The following SWT1 variants were observed in gnomAD, a reference collection of about 807,000 sequenced individuals.
SWT1 encodes the protein SWT1 RNA endoribonuclease homolog, also known as transcriptional protein SWT1.
SWT1 carries 33 observed loss-of-function variants against 107.3 expected under a neutral mutation model. The observed-to-expected ratio is 0.31, with a 90% CI of 0.23 to 0.41. The LOEUF is 0.41. Among genes scored for constraint, SWT1 ranks in the 10% least tolerant of loss-of-function variants. The pLI is 1.00. For missense variants in SWT1, 898 were observed against 1,028.9 expected, an observed-to-expected ratio of 0.87 and a Z score of 1.74; for synonymous variants, 345 against 348.3, an observed-to-expected ratio of 0.99 and a Z score of 0.11.
In SWT1 at chr1:185,168,372, T is replaced by A; in HGVS notation, c.198T>A (p.Asn66Lys). 7.2e-7 allele frequency: 1 copy of A among 1,389,540 alleles called. No individual in the cohort carries two copies. Among genetic ancestry groups the A allele is most frequent in the Non-Finnish European group, 9.7e-7 (1 of 1,035,914 alleles). 86.1% of individuals were successfully genotyped at this position (1,389,540 alleles called of 1,614,324 possible). The change falls in exon 4 of 19, where the codon AAT becomes AAA. Residue 66 changes from asparagine to lysine, a missense_variant. By Grantham distance (94) the Asn-to-Lys change is moderately conservative (BLOSUM62 0). Transcript: ENST00000367500. ...ATCATACAGATGTTCTGTACTATAA[T>A]ATAAAAAGAAGACAAGGACTGAAAA... is the stretch of plus-strand genomic sequence containing the variant. The part of the protein sequence containing the change: ...KSDHTDVLYY[N>K]IKRRQGLKRL...
chr1:185,245,724 C>T (rs559078710), intron 16 of SWT1, among the ~76,000 whole-genome samples: 195 of 151,910 alleles, frequency 1.3e-3, no homozygotes, highest in African/African-American at 4.5e-3. Context: ...AGGAATTTTT[C>T]GGCTCTAGTA....
At chr1:185,212,494 A>G (rs1310556585) in intron 13 of SWT1, among the ~76,000 whole-genome samples, 4 of 152,170 alleles carry the variant, frequency 2.6e-5, no homozygotes, top group Non-Finnish European at 5.9e-5. Context: ...TTTTGTGATC[A>G]TTATAGTTTA....
chr1:185,275,989 CAATAT>C lies in SWT1; in HGVS notation c.2509-613_2509-609del, dbSNP rs144920767. ...AATTCTAATTTTCTGAAAATTTAGT[CAATAT>C]ATTATTTGTTATCTGATCAAAATAA... On this transcript the variant is annotated intron_variant, in intron 17 of 18. Coordinates refer to ENST00000367500, the MANE Select transcript of SWT1 (RefSeq NM_017673.7). Among the ~76,000 whole-genome samples the C allele has an allele frequency of 4.2e-3, 646 of 152,096 alleles. 2 individuals are homozygous for C. The highest frequency in any genetic ancestry group is 6.9e-3 in the Non-Finnish European group (469 of 67,976).
chr1:185,286,487 G>T (rs187936686), intron 18 of SWT1, among the ~76,000 whole-genome samples: 9 of 152,124 alleles, frequency 5.9e-5, no homozygotes, highest in Non-Finnish European at 1.3e-4. Context: ...GCCTCCCAAA[G>T]TGCTGGGATT....
chr1:185,178,961 G>A (rs1386304309), intron 5 of SWT1, among the ~76,000 whole-genome samples: 2 of 152,162 alleles, frequency 1.3e-5, no homozygotes, highest in African/African-American at 2.4e-5. Flanking sequence ...GCATTTCTAC[G>A]TATGATGTAC....
At chr1:185,284,164 G>A (rs2102780182) in intron 18 of SWT1, among the ~76,000 whole-genome samples, 1 of 152,260 alleles carries the variant, frequency 6.6e-6, no homozygotes, top group Non-Finnish European at 1.5e-5. Flanking sequence ...GTATGAAATT[G>A]TATCTCATTG....
At chr1:185,199,160 A>G (rs1489451492) in intron 10 of SWT1, among the ~76,000 whole-genome samples, 1 of 151,698 alleles carries the variant, frequency 6.6e-6, no homozygotes, top group Non-Finnish European at 1.5e-5. Flanking sequence ...CTGGTCTGGA[A>G]CTCCTGGCCT....
chr1:185,166,022 C>G (rs941296434), intron 2 of SWT1, among the ~76,000 whole-genome samples: 3 of 152,184 alleles, frequency 2.0e-5, no homozygotes, highest in Non-Finnish European at 4.4e-5. Context: ...CCAGCCCTTC[C>G]TGTTTCCTTT....
intron 14 of SWT1, among the ~76,000 whole-genome samples, chr1:185,220,518 T>C (rs1659575915): frequency 1.3e-5 from 2 of 152,196 alleles, no homozygotes; most frequent in South Asian, 2.1e-4. Flanking sequence ...TGCTAGTTCC[T>C]ACTTTTCCCC....
intron 6 of SWT1, 113 bp from the exon 7 acceptor site, chr1:185,181,833 T>C (rs151265812): frequency 1.2e-5 from 13 of 1,092,402 alleles, no homozygotes; most frequent in Non-Finnish European, 1.7e-5. Context: ...TTTTATAAAA[T>C]TTTTTCTTTC....
Position 185,235,201 on chromosome 1 carries a change from C to T in SWT1, c.2441+3493C>T, listed in dbSNP as rs533678235. ...ACAATAGAAAAAGAGGGAATCCTCCCTAATGCATTTTATGAGGCCAGCATC... is the reference window on the plus strand; with the variant it reads ...ACAATAGAAAAAGAGGGAATCCTCCTTAATGCATTTTATGAGGCCAGCATC... On this transcript the variant is annotated intron_variant, in intron 16 of 18. Coordinates refer to ENST00000367500, the MANE Select transcript of SWT1 (RefSeq NM_017673.7). 3.3e-5 allele frequency among the ~76,000 whole-genome samples: 5 copies of T among 152,302 alleles called. No individual in the cohort carries two copies. In the East Asian group the frequency reaches 9.6e-4, roughly 29 times the overall value.
At chr1:185,201,712 G>A (rs1422723945) in intron 10 of SWT1, among the ~76,000 whole-genome samples, 4 of 152,074 alleles carry the variant, frequency 2.6e-5, no homozygotes, top group Non-Finnish European at 5.9e-5. Flanking sequence ...CTTGCCAGCT[G>A]CCAACCTAGA....
rs1232392911 is a variant in SWT1, at chr1:185,196,040, T to G, written c.1523+5398T>G. ...TTTTGGCTTTTGTTGCCATTGCTTT[T>G]GGTGTTTTAGTCATGAAGTCTTTGC... is the stretch of plus-strand genomic sequence containing the variant. On this transcript the variant is annotated intron_variant, in intron 10 of 18. Transcript: ENST00000367500. 5.9e-5 allele frequency among the ~76,000 whole-genome samples: 9 copies of G among 152,332 alleles called. No homozygotes were observed. The East Asian group carries it at 1.5e-3, about 26-fold the overall frequency.
At chr1:185,193,169 G>C (rs1657102360) in intron 10 of SWT1, among the ~76,000 whole-genome samples, 1 of 151,904 alleles carries the variant, frequency 6.6e-6, no homozygotes, top group African/African-American at 2.4e-5. Flanking sequence ...GATGTTTGTT[G>C]CCTAATTCTA....
chr1:185,198,101 T>G (rs940508511), intron 10 of SWT1, among the ~76,000 whole-genome samples: 2 of 152,232 alleles, frequency 1.3e-5, no homozygotes, highest in African/African-American at 4.8e-5. Flanking sequence ...CTCTAAACAC[T>G]GCTTTAGCTG....
chr1:185,188,340 C>T (rs1656672985), intron 9 of SWT1, among the ~76,000 whole-genome samples: 2 of 152,342 alleles, frequency 1.3e-5, no homozygotes, highest in South Asian at 4.1e-4. Context: ...CAGCAGTGCA[C>T]TGTTACTTTT....
intron 18 of SWT1, among the ~76,000 whole-genome samples, chr1:185,279,287 A>G (rs1281864419): frequency 1.3e-5 from 2 of 152,182 alleles, no homozygotes; most frequent in Non-Finnish European, 2.9e-5. Context: ...TTCTTGAAGC[A>G]TGATCCTAGT....
chr1:185,279,480 CTT>C (rs1664479527), intron 18 of SWT1, among the ~76,000 whole-genome samples: 1 of 151,754 alleles, frequency 6.6e-6, no homozygotes, highest in Non-Finnish European at 1.5e-5. Flanking sequence ...AGTAAACCCT[CTT>C]TTATACCCAG....
intron 16 of SWT1, among the ~76,000 whole-genome samples, chr1:185,243,275 A>G (rs1333082212): frequency 1.3e-5 from 2 of 151,980 alleles, no homozygotes; most frequent in East Asian, 1.9e-4. Flanking sequence ...CACACAGCCT[A>G]TTTTTTGTAC....
Sources: allele counts gnomAD v4.1 joint callset (sites outside exome capture counted in the v4.1 genomes callset), GRCh38; gene constraint gnomAD v4.1.1; transcripts MANE v1.5; gene names NCBI Gene and HGNC (gene_info 2026-07-23, HGNC 2026-07-21).